PRSS37: variants seen among roughly 807,000 people sequenced by gnomAD.
The protein encoded by PRSS37 is serine protease 37.
A neutral mutation model predicts 28.0 loss-of-function variants in PRSS37; 25 were observed. The observed-to-expected ratio is 0.89, with a 90% CI of 0.65 to 1.25. PRSS37 has a LOEUF of 1.25. PRSS37 is among the 50% of genes most tolerant of loss of function. The pLI, the probability that PRSS37 is intolerant of heterozygous loss-of-function variation, is 0.00. For missense variants in PRSS37, 282 were observed against 292.2 expected (o/e 0.97, Z 0.25); for synonymous variants, 109 against 107.8 (o/e 1.01, Z -0.07).
At chr7:141,839,187 A>T in intron 2 of PRSS37, 151 bp downstream of exon 2, 1 of 694,358 alleles carries the variant, frequency 1.4e-6, no homozygotes, top group Non-Finnish European at 2.5e-6. Flanking sequence ...TCCCCATTAG[A>T]TGCCAATAGC....
In PRSS37 at chr7:141,837,222, G is replaced by T; in HGVS notation, c.457C>A (p.Leu153Met). The T allele has an allele frequency of 5.0e-6, 8 of 1,608,304 alleles. No individual in the cohort carries two copies. The highest frequency in any genetic ancestry group is 6.8e-6 in the Non-Finnish European group (8 of 1,177,920). The change falls in exon 4 of 5, where the codon CTG becomes ATG. Residue 153 changes from leucine to methionine, a missense_variant. By Grantham distance (15) the Leu-to-Met change is conservative. Transcript: ENST00000350549. Reference protein sequence around the residue: ...SGRHPDLRQNLEAPVMSDREC... With the variant: ...SGRHPDLRQNMEAPVMSDREC... The stretch of plus-strand genomic sequence containing the variant: ...CGATCAGACATCACGGGGGCCTCCA[G>T]GTTCTGCCGCAAGTCAGGGTGTCGG...
At position 141,839,469 on chromosome 7, in the gene PRSS37, GA is replaced by G; in HGVS notation, c.44del (p.Phe15SerfsTer47). On this transcript the variant is annotated frameshift_variant, in exon 2 of 5. Transcript: ENST00000350549. LOFTEE classifies it high-confidence loss of function. Reference protein sequence around the residue: ...FYLGVLAGTFFFADSSVQKED... With the variant: ...FYLGVLAGTFXFADSSVQKED... ...CTTTCTGAACAGATGAGTCAGCAAAGAAAAATGTCCCTGAGAAAATAATGAA... is the reference window on the plus strand; with the variant it reads ...CTTTCTGAACAGATGAGTCAGCAAAGAAAATGTCCCTGAGAAAATAATGAA... The G allele has an allele frequency of 6.2e-7, 1 of 1,611,440 alleles. No individual in the cohort carries two copies. The highest frequency in any genetic ancestry group is 8.5e-7 in the Non-Finnish European group (1 of 1,178,314).
intron 1 of PRSS37, among the ~76,000 whole-genome samples, chr7:141,839,817 T>C (rs1360929680): frequency 2.6e-5 from 4 of 152,108 alleles, no homozygotes; most frequent in African/African-American, 9.7e-5. Context: ...GACCTAATCA[T>C]TCCAACCCCA....
Position 141,836,530 on chromosome 7 carries a change from CACCTCCT to C in PRSS37, c.568-2_572del, listed in dbSNP as rs1563051128. ...CTTTGCAGATGACAGTAGCAACGGC[CACCTCCT>C]ACCGGAGATCATGCAGAGAGAGAGA... is the stretch of plus-strand genomic sequence containing the variant. On this transcript the variant is annotated splice_acceptor_variant and coding_sequence_variant, in exon 5 of 5. Transcript: ENST00000350549. LOFTEE classifies it high-confidence loss of function. The C allele has an allele frequency of 1.2e-6, 2 of 1,613,824 alleles. No individual in the cohort carries two copies. The highest frequency in any genetic ancestry group is 3.3e-5 in the Admixed American group (2 of 59,978).
At chr7:141,840,166 G>A (rs1801109249) in intron 1 of PRSS37, among the ~76,000 whole-genome samples, 1 of 152,270 alleles carries the variant, frequency 6.6e-6, no homozygotes, top group Non-Finnish European at 1.5e-5. Flanking sequence ...TGACTAAGAG[G>A]TGGGATTATG....
intron 2 of PRSS37, 189 bp from the exon 3 acceptor site, chr7:141,838,302 G>C (rs1358494441): frequency 7.0e-7 from 1 of 1,424,700 alleles, no homozygotes. Context: ...GGGCACATAG[G>C]AGTAATTCAC....
intron 3 of PRSS37, 138 bp downstream of exon 3, chr7:141,837,722 G>T: frequency 6.5e-7 from 1 of 1,540,820 alleles, no homozygotes; most frequent in East Asian, 2.3e-5. Context: ...GTCTCTGTTT[G>T]CCAGACCACT....
intron 3 of PRSS37, chr7:141,837,565 T>C: frequency 1.3e-6 from 2 of 1,500,904 alleles, no homozygotes; most frequent in Non-Finnish European, 1.8e-6. Flanking sequence ...CCACACCTTG[T>C]TCATGTGAAT....
chr7:141,836,523 C>A lies in PRSS37; in HGVS notation c.580G>T (p.Ala194Ser), dbSNP rs150297786. ...FSRIFGEVAV[A>S]TVICKDKLQG... The stretch of plus-strand genomic sequence containing the variant: ...AGCTTGTCTTTGCAGATGACAGTAG[C>A]AACGGCCACCTCCTACCGGAGATCA... Residue 194 changes from alanine (A) to serine (S), a missense_variant, in exon 5 of 5, where the codon GCT (alanine) becomes TCT (serine). Transcript: ENST00000350549. The A allele has an allele frequency of 1.2e-6, 2 of 1,613,926 alleles. No individual in the cohort carries two copies. The highest frequency in any genetic ancestry group is 8.5e-7 in the Non-Finnish European group (1 of 1,179,988).
rs955842649 is a variant in PRSS37, at chr7:141,837,798, A to C, written c.430+62T>G. 5 of 1,577,402 alleles carry C rather than the reference A, an allele frequency of 3.2e-6. No homozygotes were observed. In the East Asian group the frequency reaches 1.1e-4, roughly 35 times the overall value. On this transcript the variant is annotated intron_variant, in intron 3 of 4. Coordinates refer to ENST00000350549, the MANE Select transcript of PRSS37 (RefSeq NM_001008270.3). ...CTCCTCTCTCCTCACAGCTATGAGG[A>C]TATGGATGTTCCTCCTAAAGGACAA...
In PRSS37 at chr7:141,836,388, T is replaced by C. The variant is rs1800952631; in HGVS notation, c.*7A>G. 1 of 1,613,582 alleles carries C rather than the reference T, an allele frequency of 6.2e-7. No individual in the cohort carries two copies. The stretch of plus-strand genomic sequence containing the variant: ...AGCCAGTGGAATGCAGAGGGAGAAG[T>C]AGGGTCTCACTTGTCCTTAGCAGTG... On this transcript the variant is annotated 3_prime_UTR_variant, in exon 5 of 5. Transcript: ENST00000350549.
At chr7:141,840,968 C>T in intron 1 of PRSS37, 48 bp downstream of exon 1, 1 of 1,584,182 alleles carries the variant, frequency 6.3e-7, no homozygotes, top group Non-Finnish European at 8.7e-7. Flanking sequence ...TCACCCCATC[C>T]ATTAAACTGT....
intron 1 of PRSS37, among the ~76,000 whole-genome samples, chr7:141,839,936 A>G (rs1189743045): frequency 6.6e-6 from 1 of 152,204 alleles, no homozygotes; most frequent in Admixed American, 6.5e-5. Context: ...TGACATAGTA[A>G]TGTTGGACAT....
At chr7:141,838,280 A>G in intron 2 of PRSS37, 167 bp from the exon 3 acceptor site, 3 of 1,430,904 alleles carry the variant, frequency 2.1e-6, no homozygotes, top group Non-Finnish European at 1.8e-6. Context: ...CATTTAGCAC[A>G]TGAATTAATG....
Position 141,841,168 on chromosome 7 carries a change from G to T in PRSS37, c.-119C>A. The stretch of plus-strand genomic sequence containing the variant: ...CTCAGTGGCTATGGTTAGATACGGA[G>T]GCACTCCATGGGATTGGAAAGCAGC... On this transcript the variant is annotated 5_prime_UTR_variant, in exon 1 of 5. Coordinates refer to ENST00000350549, the MANE Select transcript of PRSS37 (RefSeq NM_001008270.3). 6.4e-7 allele frequency: 1 copy of T among 1,551,194 alleles called. No individual in the cohort carries two copies.
chr7:141,838,349 C>G, intron 2 of PRSS37: 1 of 1,382,258 alleles, frequency 7.2e-7, no homozygotes, highest in South Asian at 1.7e-5. Context: ...CCCTTCACTA[C>G]ATTTTAATGT....
chr7:141,841,243 C>T lies in PRSS37; in HGVS notation c.-194G>A. The T allele has an allele frequency of 7.9e-7, 1 of 1,270,064 alleles. No individual in the cohort carries two copies. Among genetic ancestry groups the T allele is most frequent in the Middle Eastern group, 2.9e-4 (1 of 3,438 alleles). The allele number at this position is 1,270,064 out of a possible 1,614,324, so 78.7% of individuals were successfully genotyped here. A position where few individuals can be genotyped will look rare whatever the true frequency, so the allele number is the denominator to read the frequency against. On this transcript the variant is annotated 5_prime_UTR_variant, in exon 1 of 5. Transcript: ENST00000350549. ...ATGGCTTCAGAGAGACAGATGAAAG[C>T]CCTCTGTTCCAGGGAAGGTGGAGGA...
intron 2 of PRSS37, 87 bp downstream of exon 2, chr7:141,839,248 TACC>T: frequency 1.5e-6 from 2 of 1,340,144 alleles, no homozygotes; most frequent in Non-Finnish European, 2.1e-6. Context: ...TTGCCAAGTG[TACC>T]CTGTAGAGAA....
In PRSS37 at chr7:141,837,151, T is replaced by G; in HGVS notation, c.528A>C (p.Leu176Phe). The change falls in exon 4 of 5, where the codon TTA (leucine) becomes TTC (phenylalanine). Residue 176 changes from leucine (L) to phenylalanine (F), a missense_variant. By Grantham distance (22) the Leu-to-Phe change is conservative. Coordinates refer to ENST00000350549, the MANE Select transcript of PRSS37 (RefSeq NM_001008270.3). ...TEQGKSHRNS[L>F]CVKFVKVFSR... Reference sequence around the variant, plus strand: ...TGAATACTTTCACAAATTTCACACATAAGGAATTCCTGTGGCTTTTTCCTT... The same window carrying G: ...TGAATACTTTCACAAATTTCACACAGAAGGAATTCCTGTGGCTTTTTCCTT... 6.2e-7 allele frequency: 1 copy of G among 1,613,418 alleles called. No homozygotes were observed. Among genetic ancestry groups the G allele is most frequent in the Admixed American group, 1.7e-5 (1 of 59,844 alleles).
Sources: gnomAD v4.1 joint callset for allele counts (sites outside exome capture counted in the v4.1 genomes callset) on GRCh38, gnomAD v4.1.1 for gene constraint, MANE v1.5 for transcripts, NCBI Gene and HGNC (gene_info 2026-07-23, HGNC 2026-07-21) for gene names.